HDGFL3: variants seen among roughly 807,000 people sequenced by gnomAD.
The protein encoded by HDGFL3 is HDGF like 3.
Under a neutral mutation model 27.6 loss-of-function variants are expected in HDGFL3, and 6 were observed. The ratio of observed to expected loss-of-function variants is 0.22; its 90% confidence interval spans 0.12 to 0.43. HDGFL3 has a LOEUF of 0.43. Ranked by LOEUF, HDGFL3 falls within the 20% of genes least tolerant of loss-of-function variation. The pLI, the probability that HDGFL3 is intolerant of heterozygous loss-of-function variation, is 1.00. For synonymous variants in HDGFL3, 88 were observed against 88.9 expected (o/e 0.99, Z 0.05); for missense variants, 207 against 250.1 (o/e 0.83, Z 1.16).
intron 1 of HDGFL3, among the ~76,000 whole-genome samples, chr15:83,179,492 AG>A (rs1433832684): frequency 6.6e-6 from 1 of 152,194 alleles, no homozygotes; most frequent in African/African-American, 2.4e-5. Context: ...TGTTCATTGT[AG>A]GAGTCCAGAT....
At chr15:83,170,448 G>A (rs185425595) in intron 1 of HDGFL3, among the ~76,000 whole-genome samples, 133 of 152,230 alleles carry the variant, frequency 8.7e-4, no homozygotes, top group Middle Eastern at 3.4e-3. Flanking sequence ...TGACAAAGTG[G>A]ACAAAAATAA....
At position 83,135,472 on chromosome 15, in the gene HDGFL3, C is replaced by T. The variant is rs1426214735; in HGVS notation, c.*3798G>A. 1 of 152,180 alleles carries T rather than the reference C, an allele frequency of 6.6e-6. No homozygotes were observed. Among genetic ancestry groups the T allele is most frequent in the Non-Finnish European group, 1.5e-5 (1 of 68,038 alleles). 9.4% of individuals were successfully genotyped at this position (152,180 alleles called of 1,614,324 possible). A position where few individuals can be genotyped will look rare whatever the true frequency, so the allele number is the denominator to read the frequency against. ...TACTTATTACATTTAGATTCCCAAT[C>T]CTTTATTCATGTGTATCTTGAATTT... On this transcript the variant is annotated 3_prime_UTR_variant, in exon 6 of 6. Coordinates refer to ENST00000299633, the MANE Select transcript of HDGFL3 (RefSeq NM_016073.4).
At chr15:83,126,178 GACA>G (rs1567149290), downstream of HDGFL3, among the ~76,000 whole-genome samples, 1 of 152,094 alleles carries the variant, frequency 6.6e-6, no homozygotes. Context: ...ATCTAGGTGG[GACA>G]ACATTTATGG....
intron 3 of HDGFL3, chr15:83,119,770 A>G: frequency 6.3e-7 from 1 of 1,583,988 alleles, no homozygotes; most frequent in Non-Finnish European, 8.6e-7. Context: ...AGGCAAATAC[A>G]CAAGCAGGTA....
rs1355602314 is a variant in HDGFL3, at chr15:83,132,263, A to C, written c.*7007T>G. ...CAGTAAGAATTTGGAGATATGCCTT[A>C]TGTTGTTCCGAAGATTAACCTGAAG... On this transcript the variant is annotated 3_prime_UTR_variant, in exon 6 of 6. Transcript: ENST00000299633. The C allele has an allele frequency of 1.3e-5, 2 of 152,224 alleles. No individual in the cohort carries two copies. Among genetic ancestry groups the C allele is most frequent in the Non-Finnish European group, 2.9e-5 (2 of 68,042 alleles). 9.4% of individuals were successfully genotyped at this position (152,224 alleles called of 1,614,324 possible). A position where few individuals can be genotyped will look rare whatever the true frequency, so the allele number is the denominator to read the frequency against.
At chr15:83,155,246 T>G (rs1485665537) in intron 4 of HDGFL3, among the ~76,000 whole-genome samples, 1 of 152,206 alleles carries the variant, frequency 6.6e-6, no homozygotes, top group Non-Finnish European at 1.5e-5. Flanking sequence ...TAGATAAACA[T>G]TAGTAAGCTA....
intron 5 of HDGFL3, among the ~76,000 whole-genome samples, chr15:83,150,809 A>G (rs147373599): frequency 3.3e-4 from 50 of 152,346 alleles, no homozygotes; most frequent in African/African-American, 1.2e-3. Flanking sequence ...CATGGGTACA[A>G]TGAATTACAC....
rs774067278 is a variant in HDGFL3 at position 83,137,225 on chromosome 15, G to T, written c.*2045C>A. 1.3e-5 allele frequency: 2 copies of T among 152,012 alleles called. No individual in the cohort carries two copies. Among genetic ancestry groups the T allele is most frequent in the Non-Finnish European group, 2.9e-5 (2 of 67,954 alleles). The allele number at this position is 152,012 out of a possible 1,614,324, so 9.4% of individuals were successfully genotyped here. ...AAAATTACTTTTACTAAATTTTTTT[G>T]TGTGAATTTAAACAGCTAAATAGGG... On this transcript the variant is annotated 3_prime_UTR_variant, in exon 6 of 6. Transcript: ENST00000299633.
At chr15:83,146,604 C>T (rs1181733234) in intron 5 of HDGFL3, among the ~76,000 whole-genome samples, 2 of 152,174 alleles carry the variant, frequency 1.3e-5, no homozygotes, top group Non-Finnish European at 2.9e-5. Context: ...GATTCCCTGG[C>T]CTCTAATCTT....
In HDGFL3 at chr15:83,136,959, A is replaced by AAAATT. The variant is rs1469240581; in HGVS notation, c.*2306_*2310dup. 1.8e-5 allele frequency: 4 copies of AAAATT among 221,608 alleles called. No individual in the cohort carries two copies. The highest frequency in any genetic ancestry group is 1.1e-4 in the South Asian group (1 of 9,428). 13.7% of individuals were successfully genotyped at this position (221,608 alleles called of 1,614,324 possible). ...ACATATAAAATAATTATAAGTGTAA[A>AAAATT]AAATTACAATTTAGTGCCAACAGTA... is the stretch of plus-strand genomic sequence containing the variant. On this transcript the variant is annotated 3_prime_UTR_variant, in exon 6 of 6. Coordinates refer to ENST00000299633, the MANE Select transcript of HDGFL3 (RefSeq NM_016073.4).
At chr15:83,118,432 G>C (rs2034901432) in intron 3 of HDGFL3, among the ~76,000 whole-genome samples, 2 of 152,236 alleles carry the variant, frequency 1.3e-5, no homozygotes, top group Admixed American at 6.5e-5. Flanking sequence ...AGAGAGCCAG[G>C]TGTGTTAGCA....
intron 2 of HDGFL3, among the ~76,000 whole-genome samples, chr15:83,162,477 C>T (rs964313281): frequency 3.3e-5 from 5 of 151,836 alleles, no homozygotes; most frequent in Non-Finnish European, 5.9e-5. Flanking sequence ...AAAATGGGGG[C>T]GGGAATAAGG....
intron 1 of HDGFL3, among the ~76,000 whole-genome samples, chr15:83,190,717 A>G (rs2037501611): frequency 6.6e-6 from 1 of 152,060 alleles, no homozygotes. Flanking sequence ...TTTGTGGCTT[A>G]TCTTTTCAAT....
In HDGFL3 at chr15:83,136,949, A is replaced by G. The variant is rs1006206636; in HGVS notation, c.*2321T>C. 4.3e-6 allele frequency: 1 copy of G among 234,848 alleles called. No homozygotes were observed. Among genetic ancestry groups the G allele is most frequent in the Non-Finnish European group, 8.3e-6 (1 of 120,884 alleles). 14.5% of individuals were successfully genotyped at this position (234,848 alleles called of 1,614,324 possible). ...ATATTGTTTGACATATAAAATAATT[A>G]TAAGTGTAAAAAATTACAATTTAGT... On this transcript the variant is annotated 3_prime_UTR_variant, in exon 6 of 6. Coordinates refer to ENST00000299633, the MANE Select transcript of HDGFL3 (RefSeq NM_016073.4).
At chr15:83,183,963 C>T (rs2037411500) in intron 1 of HDGFL3, among the ~76,000 whole-genome samples, 1 of 152,102 alleles carries the variant, frequency 6.6e-6, no homozygotes. Context: ...TTATATATTT[C>T]ATTTTAATGG....
chr15:83,161,381 G>A (rs967400897), intron 2 of HDGFL3, among the ~76,000 whole-genome samples: 3 of 152,008 alleles, frequency 2.0e-5, no homozygotes, highest in South Asian at 2.1e-4. Flanking sequence ...GGCTAGTCTC[G>A]AACTCCTGAG....
rs562059850 is a variant in HDGFL3 at position 83,159,684 on chromosome 15, C to T, written c.162-1643G>A. On this transcript the variant is annotated intron_variant, in intron 2 of 5. Transcript: ENST00000299633. Reference sequence around the variant, plus strand: ...AAAGAAAGTGAAGGAATAACTCATGCAGTTACCTGGAGAAGAAAAGAACAA... The same window carrying T: ...AAAGAAAGTGAAGGAATAACTCATGTAGTTACCTGGAGAAGAAAAGAACAA... Among the ~76,000 whole-genome samples the T allele has an allele frequency of 4.6e-5, 7 of 152,238 alleles. No individual in the cohort carries two copies. In the South Asian group the frequency reaches 1.2e-3, roughly 27 times the overall value.
intron 1 of HDGFL3, among the ~76,000 whole-genome samples, chr15:83,173,749 A>C (rs1379044491): frequency 1.3e-5 from 2 of 152,156 alleles, no homozygotes; most frequent in Non-Finnish European, 2.9e-5. Context: ...AACTCTAGGG[A>C]TGAAATTACA....
At chr15:83,159,704 G>T (rs1252762743) in intron 2 of HDGFL3, among the ~76,000 whole-genome samples, 2 of 152,190 alleles carry the variant, frequency 1.3e-5, no homozygotes, top group Non-Finnish European at 2.9e-5. Flanking sequence ...GAGAAGAAAA[G>T]AACAAGTTGA....
Sources: gnomAD v4.1 joint callset for allele counts (sites outside exome capture counted in the v4.1 genomes callset) on GRCh38, gnomAD v4.1.1 for gene constraint, MANE v1.5 for transcripts, NCBI Gene and HGNC (gene_info 2026-07-23, HGNC 2026-07-21) for gene names.